MAD1L1: variants seen among roughly 807,000 people sequenced by gnomAD.
MAD1L1 encodes mitotic spindle assembly checkpoint protein MAD1.
A neutral mutation model predicts 96.9 loss-of-function variants in MAD1L1; 95 were observed. The observed-to-expected ratio is 0.98, with a 90% CI of 0.83 to 1.16. The LOEUF (loss-of-function observed/expected upper bound fraction) is 1.16. MAD1L1 is among the 50% of genes most tolerant of loss of function. The pLI is 0.00. For synonymous variants in MAD1L1, 473 were observed against 396.6 expected (o/e 1.19, Z -2.29); for missense variants, 1,007 against 954.4 (o/e 1.06, Z -0.73).
chr7:2,224,004 G>A (rs188973762), intron 4 of MAD1L1, among the ~76,000 whole-genome samples: 1 of 152,176 alleles, frequency 6.6e-6, no homozygotes, highest in African/African-American at 2.4e-5. Context: ...TGTAAGCCCA[G>A]TCACCTGCAT....
intron 15 of MAD1L1, among the ~76,000 whole-genome samples, chr7:1,976,352 G>A (rs1780637741): frequency 6.6e-6 from 1 of 152,214 alleles, no homozygotes; most frequent in African/African-American, 2.4e-5. Context: ...TCTTTCTTCT[G>A]GTGGGTTCGT....
rs554694328 is a variant in MAD1L1 at position 2,218,663 on chromosome 7, C to T, written c.597-620G>A. The stretch of plus-strand genomic sequence containing the variant: ...CGGCTCAGCCTGGGATCCCAGCACT[C>T]TAGGAGGCTGAGGCAGGAGGATCGC... On this transcript the variant is annotated intron_variant, in intron 6 of 18. Coordinates refer to ENST00000265854, the MANE Select transcript of MAD1L1 (RefSeq NM_001013836.2). 3.3e-5 allele frequency among the ~76,000 whole-genome samples: 5 copies of T among 152,248 alleles called. No homozygotes were observed. In the South Asian group the frequency reaches 1.0e-3, roughly 32 times the overall value.
chr7:1,850,263 T>G (rs1421790769), intron 18 of MAD1L1, among the ~76,000 whole-genome samples: 1 of 152,072 alleles, frequency 6.6e-6, no homozygotes, highest in African/African-American at 2.4e-5. Context: ...CGAGGGCCCC[T>G]CTGGACCCAC....
intron 10 of MAD1L1, among the ~76,000 whole-genome samples, chr7:2,158,350 C>T (rs913491166): frequency 1.3e-5 from 2 of 152,098 alleles, no homozygotes; most frequent in Admixed American, 1.3e-4. Context: ...AACTGGAGAC[C>T]CAGAGGACTC....
intron 14 of MAD1L1, among the ~76,000 whole-genome samples, chr7:1,985,759 C>A (rs1389439472): frequency 6.9e-6 from 1 of 144,560 alleles, no homozygotes; most frequent in Non-Finnish European, 1.5e-5. Context: ...TTCGCCTCCC[C>A]GTGCATCCGG....
At chr7:2,016,890 A>T (rs1782566919) in intron 12 of MAD1L1, among the ~76,000 whole-genome samples, 1 of 152,240 alleles carries the variant, frequency 6.6e-6, no homozygotes, top group Non-Finnish European at 1.5e-5. Context: ...CTTCCCATTG[A>T]CTTTTATCGT....
At chr7:2,116,706 C>G (rs1787723183) in intron 11 of MAD1L1, among the ~76,000 whole-genome samples, 1 of 152,150 alleles carries the variant, frequency 6.6e-6, no homozygotes, top group African/African-American at 2.4e-5. Context: ...GAGAAGAAGC[C>G]TGAGGAAGAA....
At chr7:1,839,715 A>G (rs1334751866) in intron 18 of MAD1L1, among the ~76,000 whole-genome samples, 1 of 152,160 alleles carries the variant, frequency 6.6e-6, no homozygotes, top group African/African-American at 2.4e-5. Context: ...TAGGCTGCCC[A>G]GGCCCTTCAG....
intron 18 of MAD1L1, among the ~76,000 whole-genome samples, chr7:1,835,299 C>G (rs575061195): frequency 2.2e-4 from 33 of 152,208 alleles, no homozygotes; most frequent in Non-Finnish European, 4.3e-4. Context: ...CAGCATCATC[C>G]TGAAGGTTCC....
chr7:2,226,897 G>C, intron 3 of MAD1L1, among the ~76,000 whole-genome samples: 1 of 151,894 alleles, frequency 6.6e-6, no homozygotes, highest in Non-Finnish European at 1.5e-5. Flanking sequence ...TGAGGCAGGA[G>C]AATCGCTTGA....
intron 18 of MAD1L1, among the ~76,000 whole-genome samples, chr7:1,853,316 G>T (rs922650667): frequency 2.6e-5 from 4 of 152,184 alleles, no homozygotes; most frequent in Non-Finnish European, 4.4e-5. Context: ...GCTGACACCT[G>T]CCTCCCCTGT....
intron 11 of MAD1L1, among the ~76,000 whole-genome samples, chr7:2,138,933 C>T (rs553260118): frequency 5.9e-5 from 9 of 152,176 alleles, no homozygotes; most frequent in Non-Finnish European, 1.3e-4. Flanking sequence ...AAGCAAGAGT[C>T]CTGGACCTGA....
intron 11 of MAD1L1, among the ~76,000 whole-genome samples, chr7:2,104,935 G>A (rs553518528): frequency 1.2e-4 from 19 of 152,308 alleles, no homozygotes; most frequent in Non-Finnish European, 2.5e-4. Flanking sequence ...GGAGCTCAGG[G>A]AAGGAAACCG....
rs530798667 is a variant in MAD1L1, at chr7:2,010,561, T to C, written c.1359+3941A>G. On this transcript the variant is annotated intron_variant, in intron 13 of 18. Coordinates refer to ENST00000265854, the MANE Select transcript of MAD1L1 (RefSeq NM_001013836.2). ...GGGCTCCCGCAGCCGCTTTATTAAA[T>C]GGAATAAATAACACCGTGCAAGACG... is the stretch of plus-strand genomic sequence containing the variant. 1.7e-3 allele frequency among the ~76,000 whole-genome samples: 264 copies of C among 152,294 alleles called. 1 individual carries two copies. The highest frequency in any genetic ancestry group is 2.9e-3 in the Non-Finnish European group (194 of 68,028).
intron 11 of MAD1L1, among the ~76,000 whole-genome samples, chr7:2,095,733 C>G (rs1459295116): frequency 6.6e-6 from 1 of 152,228 alleles, no homozygotes; most frequent in Non-Finnish European, 1.5e-5. Flanking sequence ...CAAGGCTCAG[C>G]CGGCGGGGCC....
At chr7:1,856,663 GA>G (rs200680792) in intron 18 of MAD1L1, among the ~76,000 whole-genome samples, 1,961 of 152,318 alleles carry the variant, frequency 0.013, 35 homozygotes, top group African/African-American at 0.045. Context: ...CACAAACCCA[GA>G]AGGGAAGATG....
chr7:2,079,929 G>A (rs1001488460), intron 11 of MAD1L1: 7 of 367,672 alleles, frequency 1.9e-5, no homozygotes, highest in Admixed American at 1.1e-4. Flanking sequence ...TCCGGTGCCT[G>A]GAGTGACGCA....
intron 11 of MAD1L1, among the ~76,000 whole-genome samples, chr7:2,079,083 G>A (rs1377064500): frequency 6.6e-6 from 1 of 152,220 alleles, no homozygotes; most frequent in Non-Finnish European, 1.5e-5. Flanking sequence ...ATGCCTCGCT[G>A]AAGACTCGGG....
intron 17 of MAD1L1, among the ~76,000 whole-genome samples, chr7:1,919,794 T>C (rs543394197): frequency 6.6e-6 from 1 of 152,244 alleles, no homozygotes; most frequent in Non-Finnish European, 1.5e-5. Context: ...CAGCTGACAG[T>C]GTGTGGCAAC....
Sources: allele counts gnomAD v4.1 joint callset (sites outside exome capture counted in the v4.1 genomes callset), GRCh38; gene constraint gnomAD v4.1.1; transcripts MANE v1.5; gene names NCBI Gene and HGNC (gene_info 2026-07-23, HGNC 2026-07-21).